SIPA1L2: variants seen among roughly 807,000 people sequenced by gnomAD.
The protein encoded by SIPA1L2 is signal induced proliferation associated 1 like 2.
A neutral mutation model predicts 163.9 loss-of-function variants in SIPA1L2; 56 were observed. That is an observed-to-expected ratio of 0.34 (90% CI 0.28 to 0.43). The LOEUF (loss-of-function observed/expected upper bound fraction) is 0.43. Among genes scored for constraint, SIPA1L2 ranks in the 20% least tolerant of loss-of-function variants. The pLI, the probability that SIPA1L2 is intolerant of heterozygous loss-of-function variation, is 1.00. For missense variants in SIPA1L2, 1,974 were observed against 2,193.5 expected, an observed-to-expected ratio of 0.90 and a Z score of 2.00; for synonymous variants, 877 against 865.7, an observed-to-expected ratio of 1.01 and a Z score of -0.23.
intron 11 of SIPA1L2, 70 bp downstream of exon 11, chr1:232,445,459 C>A: frequency 1.9e-6 from 3 of 1,598,338 alleles, no homozygotes; most frequent in Non-Finnish European, 2.6e-6. Context: ...GCAAAACCCT[C>A]CCTACAATGT....
chr1:232,531,512 C>T (rs1656939247), intron 2 of SIPA1L2, among the ~76,000 whole-genome samples: 9 of 152,134 alleles, frequency 5.9e-5, no homozygotes, highest in Admixed American at 5.9e-4. Context: ...TCAACAAATA[C>T]GTATACGTGA....
chr1:232,511,288 G>A (rs1288412456), intron 3 of SIPA1L2, among the ~76,000 whole-genome samples: 1 of 152,184 alleles, frequency 6.6e-6, no homozygotes, highest in Non-Finnish European at 1.5e-5. Context: ...ATTCAGGGTG[G>A]AGGAGAGGAA....
chr1:232,515,478 AAAC>A lies in SIPA1L2; in HGVS notation c.-142_-140del. On this transcript the variant is annotated 5_prime_UTR_variant, in exon 3 of 23. Transcript: ENST00000674635. Reference sequence around the variant, plus strand: ...ATTTTTTCTTTTCTTAGCCCAAAGCAAACAACATCCTCAGAATACAGTTTCTTC... The same window carrying A: ...ATTTTTTCTTTTCTTAGCCCAAAGCAAACATCCTCAGAATACAGTTTCTTC... 2.3e-6 allele frequency: 2 copies of A among 851,594 alleles called. No individual in the cohort carries two copies. Among genetic ancestry groups the A allele is most frequent in the Non-Finnish European group, 3.5e-6 (2 of 579,294 alleles). The allele number at this position is 851,594 out of a possible 1,614,324, so 52.8% of individuals were successfully genotyped here. A position where few individuals can be genotyped will look rare whatever the true frequency, so the allele number is the denominator to read the frequency against.
Position 232,514,632 on chromosome 1 carries a change from A to G in SIPA1L2, c.708T>C (p.Cys236=). 2 of 1,614,250 alleles carry G rather than the reference A, an allele frequency of 1.2e-6. No homozygotes were observed. The highest frequency in any genetic ancestry group is 2.2e-5 in the East Asian group (1 of 44,882). ...GAAGGCTCGGAGAGATTGCAGGGTC[A>G]CAGCGGAAAAATTCAGGGAACCCAA... ...VPFGFPEFFR[C]DPAISPSLHA... Residue 236 remains cysteine, a synonymous_variant, in exon 3 of 23, where the codon TGT becomes TGC. Coordinates refer to ENST00000674635, the MANE Select transcript of SIPA1L2 (RefSeq NM_020808.5).
chr1:232,406,991 T>C (rs1660677019), intron 19 of SIPA1L2, among the ~76,000 whole-genome samples: 1 of 152,322 alleles, frequency 6.6e-6, no homozygotes, highest in African/African-American at 2.4e-5. Context: ...CTGACTTAAC[T>C]GGCCACTAGG....
At chr1:232,579,534 C>A (rs761277219) in intron 1 of SIPA1L2, among the ~76,000 whole-genome samples, 2 of 152,202 alleles carry the variant, frequency 1.3e-5, no homozygotes, top group Admixed American at 6.5e-5. Context: ...ACAGGATAAG[C>A]AAGTGTCTGC....
intron 17 of SIPA1L2, among the ~76,000 whole-genome samples, chr1:232,426,662 A>G (rs1018226813): frequency 4.4e-4 from 65 of 147,036 alleles, no homozygotes; most frequent in African/African-American, 8.9e-4. Context: ...TCCGTCTTGG[A>G]AAAAAAAAAA....
chr1:232,627,529 G>T (rs4649395), intron 1 of SIPA1L2, among the ~76,000 whole-genome samples: 2,924 of 150,784 alleles, frequency 0.019, 98 homozygotes, highest in East Asian at 0.15. Flanking sequence ...GGGGTGAGGG[G>T]GAGAAAAAAA....
At position 232,514,088 on chromosome 1, in the gene SIPA1L2, C is replaced by T. The variant is rs1230657242; in HGVS notation, c.1252G>A (p.Gly418Arg). 1.2e-6 allele frequency: 2 copies of T among 1,614,212 alleles called. No homozygotes were observed. The highest frequency in any genetic ancestry group is 8.5e-7 in the Non-Finnish European group (1 of 1,180,040). Residue 418 changes from glycine to arginine, a missense_variant, in exon 3 of 23, where the codon GGG becomes AGG. Gly to Arg is a moderately radical substitution (Grantham distance 125). Coordinates refer to ENST00000674635, the MANE Select transcript of SIPA1L2 (RefSeq NM_020808.5). ...AGCGCAATCCGCCTGTCGCCTTCCC[C>T]TCCAGTCTCATTTCTAAAGTAAGGA... ...SCPYFRNETG[G>R]EGDRRIALSR... is the part of the protein sequence containing the mutation.
intron 10 of SIPA1L2, among the ~76,000 whole-genome samples, chr1:232,446,018 G>A (rs1431727248): frequency 6.6e-6 from 1 of 152,190 alleles, no homozygotes; most frequent in Non-Finnish European, 1.5e-5. Context: ...AAATGAGAAA[G>A]GCGGTTTGTG....
chr1:232,430,827 G>C (rs567485634), intron 16 of SIPA1L2, among the ~76,000 whole-genome samples: 1 of 152,276 alleles, frequency 6.6e-6, no homozygotes, highest in East Asian at 1.9e-4. Flanking sequence ...ATACCCAAGA[G>C]CATGTGTGGG....
intron 2 of SIPA1L2, among the ~76,000 whole-genome samples, chr1:232,560,455 C>G (rs915485174): frequency 6.6e-6 from 1 of 152,246 alleles, no homozygotes; most frequent in African/African-American, 2.4e-5. Context: ...TTTGGATCAT[C>G]TGCTCATGAA....
rs1054421912 is a variant in SIPA1L2, at chr1:232,488,099, C to T, written c.1806+2775G>A. Among the ~76,000 whole-genome samples the T allele has an allele frequency of 3.9e-5, 6 of 152,090 alleles. No individual in the cohort carries two copies. The East Asian group carries it at 5.8e-4, about 15-fold the overall frequency. On this transcript the variant is annotated intron_variant, in intron 5 of 22. Transcript: ENST00000674635. The stretch of plus-strand genomic sequence containing the variant: ...TCCCTAGTAGCTGAGATTACAGGTG[C>T]CCACCATCACACCTGGCTAATTTTT...
rs560447381 is a variant in SIPA1L2, at chr1:232,436,464, G to T, written c.4031+2644C>A. On this transcript the variant is annotated intron_variant, in intron 15 of 22. Transcript: ENST00000674635. Reference sequence around the variant, plus strand: ...TGGGTTTAGGCAGGATGGTCACCCCGGTCAGTTCCTGAAAGTTTATTCTGC... The same window carrying T: ...TGGGTTTAGGCAGGATGGTCACCCCTGTCAGTTCCTGAAAGTTTATTCTGC... Among the ~76,000 whole-genome samples, 105 of 152,264 alleles carry T rather than the reference G, an allele frequency of 6.9e-4. No homozygotes were observed. The Middle Eastern group carries it at 0.014, about 20-fold the overall frequency.
chr1:232,408,392 T>A (rs1474771345), intron 19 of SIPA1L2, among the ~76,000 whole-genome samples: 4 of 152,170 alleles, frequency 2.6e-5, no homozygotes. Flanking sequence ...TAATTCTTTT[T>A]AATAACTTTC....
At chr1:232,419,798 C>T (rs1661462670) in intron 18 of SIPA1L2, among the ~76,000 whole-genome samples, 1 of 152,162 alleles carries the variant, frequency 6.6e-6, no homozygotes, top group East Asian at 1.9e-4. Flanking sequence ...GCAAGAACAG[C>T]CTAACACAGA....
intron 1 of SIPA1L2, among the ~76,000 whole-genome samples, chr1:232,591,085 T>C (rs1171973786): frequency 6.6e-6 from 1 of 152,142 alleles, no homozygotes; most frequent in Non-Finnish European, 1.5e-5. Flanking sequence ...CAGTGATGAG[T>C]GCTCACCGTC....
At chr1:232,628,737 GCA>G (rs777176659) in intron 1 of SIPA1L2, among the ~76,000 whole-genome samples, 1 of 152,098 alleles carries the variant, frequency 6.6e-6, no homozygotes, top group Non-Finnish European at 1.5e-5. Context: ...AACCTAGGCT[GCA>G]CACAAACGCG....
chr1:232,524,453 A>C (rs539179453), intron 2 of SIPA1L2, among the ~76,000 whole-genome samples: 11 of 152,218 alleles, frequency 7.2e-5, no homozygotes, highest in Non-Finnish European at 1.5e-4. Flanking sequence ...CTCTCTTTGA[A>C]CACCAATAAG....
Sources: gnomAD v4.1 joint callset for allele counts (sites outside exome capture counted in the v4.1 genomes callset) on GRCh38, gnomAD v4.1.1 for gene constraint, MANE v1.5 for transcripts, NCBI Gene and HGNC (gene_info 2026-07-23, HGNC 2026-07-21) for gene names.